The following ASCC3 variants were observed in gnomAD, a reference collection of about 807,000 sequenced individuals.
ASCC3 encodes ASC-1 complex subunit P200.
ASCC3 carries 158 observed loss-of-function variants against 256.3 expected under a neutral mutation model. The observed-to-expected ratio is 0.62, with a 90% CI of 0.54 to 0.70. The LOEUF (loss-of-function observed/expected upper bound fraction) is 0.70. ASCC3 is among the 30% of genes least tolerant of loss of function. The pLI, the probability that ASCC3 is intolerant of heterozygous loss-of-function variation, is 0.00. For missense variants in ASCC3, 2,259 were observed against 2,626.0 expected, an observed-to-expected ratio of 0.86 and a Z score of 3.05; for synonymous variants, 948 against 883.4, an observed-to-expected ratio of 1.07 and a Z score of -1.30.
chr6:100,541,487 T>G (rs533361601), intron 36 of ASCC3, among the ~76,000 whole-genome samples: 1 of 152,270 alleles, frequency 6.6e-6, no homozygotes, highest in Middle Eastern at 3.4e-3. Flanking sequence ...GAGGACTACC[T>G]GTATTGAGGA....
chr6:100,774,984 G>GCCTTTCATCATCATCATCAT (rs1782118743), intron 8 of ASCC3, among the ~76,000 whole-genome samples: 1 of 152,146 alleles, frequency 6.6e-6, no homozygotes, highest in Non-Finnish European at 1.5e-5. Context: ...AAAAGGAGTA[G>GCCTTTCATCATCATCATCAT]CAAAGATGAT....
intron 36 of ASCC3, among the ~76,000 whole-genome samples, chr6:100,575,202 A>G (rs1275151131): frequency 6.6e-6 from 1 of 152,108 alleles, no homozygotes; most frequent in Admixed American, 6.6e-5. Context: ...TTCCTTTAAC[A>G]AACTCTTTAA....
chr6:100,624,043 C>T (rs1346780466), intron 30 of ASCC3, among the ~76,000 whole-genome samples: 3 of 151,468 alleles, frequency 2.0e-5, no homozygotes, highest in Non-Finnish European at 2.9e-5. Context: ...GTGCAGCACA[C>T]CAACATGGCA....
At chr6:100,742,466 G>A (rs939662539) in intron 10 of ASCC3, among the ~76,000 whole-genome samples, 3 of 152,104 alleles carry the variant, frequency 2.0e-5, no homozygotes, top group Admixed American at 1.3e-4. Context: ...CAGGAGGCTG[G>A]AACAGCTGAA....
At chr6:100,517,260 C>T (rs1042405922) in intron 38 of ASCC3, among the ~76,000 whole-genome samples, 1 of 152,090 alleles carries the variant, frequency 6.6e-6, no homozygotes, top group Non-Finnish European at 1.5e-5. Context: ...CAAATAACTG[C>T]CACCCCTCAT....
At chr6:100,717,512 T>G (rs1779137604) in intron 12 of ASCC3, among the ~76,000 whole-genome samples, 1 of 151,950 alleles carries the variant, frequency 6.6e-6, no homozygotes, top group Non-Finnish European at 1.5e-5. Context: ...ATAGTGTGAA[T>G]AGTATAGGTA....
intron 13 of ASCC3, among the ~76,000 whole-genome samples, chr6:100,691,149 TA>T (rs1292607419): frequency 2.0e-5 from 3 of 151,988 alleles, no homozygotes; most frequent in Admixed American, 6.6e-5. Flanking sequence ...AAAATACAAG[TA>T]GTCATATTTC....
At chr6:100,557,556 T>G (rs1399498080) in intron 36 of ASCC3, among the ~76,000 whole-genome samples, 2 of 152,148 alleles carry the variant, frequency 1.3e-5, no homozygotes, top group Non-Finnish European at 2.9e-5. Flanking sequence ...GACATTAGTA[T>G]AGCCACTGAC....
At chr6:100,726,902 TA>T (rs1779655201) in intron 10 of ASCC3, among the ~76,000 whole-genome samples, 1 of 152,082 alleles carries the variant, frequency 6.6e-6, no homozygotes, top group African/African-American at 2.4e-5. Flanking sequence ...ATCAGTATTC[TA>T]AACTGTTCCA....
intron 11 of ASCC3, among the ~76,000 whole-genome samples, chr6:100,724,290 A>AG (rs1394045719): frequency 6.6e-6 from 1 of 151,894 alleles, no homozygotes; most frequent in Non-Finnish European, 1.5e-5. Context: ...AAAAGTTAAA[A>AG]AAAAAACAGG....
At position 100,727,682 on chromosome 6, in the gene ASCC3, A is replaced by AACAACAACAACAAC. The variant is rs1554220776; in HGVS notation, c.1738-1980_1738-1979insGTTGTTGTTGTTGT. ...ACAACAACAACAACAACAACAACAA[A>AACAACAACAACAAC]AAAGGGTCTAAATATGTTTTATTCA... On this transcript the variant is annotated intron_variant, in intron 10 of 41. Transcript: ENST00000369162. Among the ~76,000 whole-genome samples, 7 of 144,906 alleles carry AACAACAACAACAAC rather than the reference A, an allele frequency of 4.8e-5. No individual in the cohort carries two copies. In the South Asian group the frequency reaches 8.4e-4, roughly 17 times the overall value.
At chr6:100,753,066 T>C (rs1453194150) in intron 10 of ASCC3, among the ~76,000 whole-genome samples, 1 of 152,062 alleles carries the variant, frequency 6.6e-6, no homozygotes, top group African/African-American at 2.4e-5. Context: ...ATTATATGGC[T>C]CTAACCTGAT....
At chr6:100,713,075 A>G (rs1053994903) in intron 13 of ASCC3, among the ~76,000 whole-genome samples, 1 of 152,012 alleles carries the variant, frequency 6.6e-6, no homozygotes, top group Non-Finnish European at 1.5e-5. Flanking sequence ...ACTCTTTATT[A>G]TTTACTCAAA....
intron 13 of ASCC3, among the ~76,000 whole-genome samples, chr6:100,703,841 C>A (rs1334275217): frequency 6.6e-6 from 1 of 151,838 alleles, no homozygotes; most frequent in East Asian, 1.9e-4. Context: ...AAATGTATAA[C>A]CTCAATGTCT....
At chr6:100,511,311 G>A (rs367865124) in intron 40 of ASCC3, among the ~76,000 whole-genome samples, 8 of 152,064 alleles carry the variant, frequency 5.3e-5, no homozygotes, top group African/African-American at 1.4e-4. Context: ...CCAGTTACTC[G>A]GGATGCTGAG....
chr6:100,532,133 A>ACAGTC (rs1774907276), intron 37 of ASCC3, among the ~76,000 whole-genome samples: 1 of 151,448 alleles, frequency 6.6e-6, no homozygotes, highest in Non-Finnish European at 1.5e-5. Flanking sequence ...TTTCAGACAA[A>ACAGTC]CAGTCCATTT....
chr6:100,727,302 G>A (rs1406576109), intron 10 of ASCC3, among the ~76,000 whole-genome samples: 1 of 151,966 alleles, frequency 6.6e-6, no homozygotes, highest in East Asian at 1.9e-4. Flanking sequence ...CAGAGATAGT[G>A]CTTCACTGAA....
At chr6:100,587,494 A>G (rs895135593) in intron 36 of ASCC3, among the ~76,000 whole-genome samples, 1 of 152,186 alleles carries the variant, frequency 6.6e-6, no homozygotes, top group Non-Finnish European at 1.5e-5. Flanking sequence ...CTCCTTGTCA[A>G]TGTGAGTCCT....
chr6:100,840,488 C>CATT (rs1019428057), intron 4 of ASCC3, among the ~76,000 whole-genome samples: 2 of 109,226 alleles, frequency 1.8e-5, no homozygotes, highest in African/African-American at 9.1e-5. Context: ...CCACGCCAGG[C>CATT]TTTTTTTTTT....
Sources: gnomAD v4.1 joint callset for allele counts (sites outside exome capture counted in the v4.1 genomes callset) on GRCh38, gnomAD v4.1.1 for gene constraint, MANE v1.5 for transcripts, NCBI Gene and HGNC (gene_info 2026-07-23, HGNC 2026-07-21) for gene names.